Variants in SLC16A7 observed in about 807,000 individuals in gnomAD.
The protein encoded by SLC16A7 is monocarboxylate transporter 2.
In SLC16A7, 33 loss-of-function variants were observed where a neutral mutation model predicts 34.9. The observed-to-expected ratio is 0.94, with a 90% CI of 0.72 to 1.26. SLC16A7 has a LOEUF of 1.26. Among genes scored for constraint, SLC16A7 ranks in the 50% most tolerant of loss-of-function variants. SLC16A7 has a pLI of 0.00. For missense variants in SLC16A7, 573 were observed against 578.1 expected, an observed-to-expected ratio of 0.99 and a Z score of 0.09; for synonymous variants, 201 against 206.6, an observed-to-expected ratio of 0.97 and a Z score of 0.23.
chr12:59,760,232 A>G (rs1316033640), intron 3 of SLC16A7, among the ~76,000 whole-genome samples: 2 of 152,032 alleles, frequency 1.3e-5, no homozygotes, highest in Non-Finnish European at 2.9e-5. Context: ...AAATTATACC[A>G]TTTGGGAAAA....
At chr12:59,743,560 T>A (rs1353047847) in intron 3 of SLC16A7, among the ~76,000 whole-genome samples, 2 of 152,106 alleles carry the variant, frequency 1.3e-5, no homozygotes, top group Non-Finnish European at 2.9e-5. Flanking sequence ...ATGTGGTGAG[T>A]AAAGGAATGA....
At chr12:59,718,580 A>G (rs1875195274) in intron 3 of SLC16A7, among the ~76,000 whole-genome samples, 1 of 152,170 alleles carries the variant, frequency 6.6e-6, no homozygotes, top group African/African-American at 2.4e-5. Flanking sequence ...ATTAGCTCAT[A>G]TCTCATAATT....
intron 2 of SLC16A7, among the ~76,000 whole-genome samples, chr12:59,685,860 T>C (rs768319969): frequency 1.3e-5 from 2 of 152,098 alleles, no homozygotes; most frequent in African/African-American, 2.4e-5. Flanking sequence ...AAAATTTTAA[T>C]AATTTAATCT....
intron 2 of SLC16A7, among the ~76,000 whole-genome samples, chr12:59,668,255 G>C (rs962632253): frequency 6.6e-6 from 1 of 152,136 alleles, no homozygotes; most frequent in Non-Finnish European, 1.5e-5. Flanking sequence ...TCCACCAACA[G>C]CTTGCACTGT....
At chr12:59,659,473 G>C (rs188342555) in intron 2 of SLC16A7, among the ~76,000 whole-genome samples, 1 of 152,152 alleles carries the variant, frequency 6.6e-6, no homozygotes, top group Non-Finnish European at 1.5e-5. Flanking sequence ...TTTGAGGAAA[G>C]AGAAGCTGCC....
At chr12:59,748,167 G>A (rs76262854) in intron 3 of SLC16A7, among the ~76,000 whole-genome samples, 11,824 of 152,090 alleles carry the variant, frequency 0.078, 552 homozygotes, top group Middle Eastern at 0.17. Context: ...TGGGTCAAAG[G>A]ATACAAAATT....
At chr12:59,634,804 A>G (rs1880343085) in intron 1 of SLC16A7, among the ~76,000 whole-genome samples, 1 of 152,096 alleles carries the variant, frequency 6.6e-6, no homozygotes. Context: ...TTTATCTTGA[A>G]TGCTCTACAG....
chr12:59,669,568 T>C (rs1869499555), intron 2 of SLC16A7, among the ~76,000 whole-genome samples: 3 of 152,016 alleles, frequency 2.0e-5, no homozygotes, highest in Admixed American at 6.6e-5. Context: ...AGAAAGTTTG[T>C]CTCTGTTCCT....
At chr12:59,729,838 G>T (rs907827338) in intron 3 of SLC16A7, among the ~76,000 whole-genome samples, 1 of 152,200 alleles carries the variant, frequency 6.6e-6, no homozygotes, top group East Asian at 1.9e-4. Context: ...AATGTGGCTT[G>T]CTGACAATTT....
chr12:59,600,906 A>T (rs962799453), intron 1 of SLC16A7, among the ~76,000 whole-genome samples: 2 of 152,208 alleles, frequency 1.3e-5, no homozygotes, highest in East Asian at 3.8e-4. Context: ...TGAAGTCTCA[A>T]AGGACCTCAT....
At chr12:59,779,171 T>C (rs1314428475) in intron 5 of SLC16A7, among the ~76,000 whole-genome samples, 1 of 152,078 alleles carries the variant, frequency 6.6e-6, no homozygotes, top group Non-Finnish European at 1.5e-5. Flanking sequence ...CTAGTTTGTC[T>C]TGTTTGTATA....
chr12:59,720,463 G>A (rs1327521615), intron 3 of SLC16A7, among the ~76,000 whole-genome samples: 1 of 152,038 alleles, frequency 6.6e-6, no homozygotes, highest in Non-Finnish European at 1.5e-5. Flanking sequence ...ACCAAGGAAT[G>A]TCCTGTTTCC....
chr12:59,734,031 T>C, intron 3 of SLC16A7: 1 of 340,906 alleles, frequency 2.9e-6, no homozygotes, highest in South Asian at 2.2e-5. Flanking sequence ...GCTCCATAAG[T>C]TCTCACTTTG....
Position 59,788,609 on chromosome 12 carries a change from T to C in SLC16A7, c.*8930T>C, listed in dbSNP as rs1592296766. ...ATACATTTAAAATACCTGTCAAAGT[T>C]TTAAAATATAAGATAGAACCTTCTT... is the stretch of plus-strand genomic sequence containing the variant. On this transcript the variant is annotated 3_prime_UTR_variant, in exon 6 of 6. Coordinates refer to ENST00000547379, the MANE Select transcript of SLC16A7 (RefSeq NM_001270623.2). The C allele has an allele frequency of 6.6e-6, 1 of 152,052 alleles. No homozygotes were observed. The highest frequency in any genetic ancestry group is 1.9e-4 in the East Asian group (1 of 5,200). 9.4% of individuals were successfully genotyped at this position (152,052 alleles called of 1,614,324 possible). A position where few individuals can be genotyped will look rare whatever the true frequency, so the allele number is the denominator to read the frequency against.
chr12:59,681,957 ACAGCTT>A, intron 2 of SLC16A7, among the ~76,000 whole-genome samples: 1 of 152,020 alleles, frequency 6.6e-6, no homozygotes, highest in South Asian at 2.1e-4. Flanking sequence ...ATCTCATAAC[ACAGCTT>A]CATTCCCCAA....
chr12:59,731,608 T>C (rs928983464), intron 3 of SLC16A7, among the ~76,000 whole-genome samples: 5 of 152,198 alleles, frequency 3.3e-5, no homozygotes. Context: ...TCTTCGTTAT[T>C]TTCTAGCCAT....
At chr12:59,709,084 A>G (rs1043076036) in intron 3 of SLC16A7, among the ~76,000 whole-genome samples, 8 of 151,694 alleles carry the variant, frequency 5.3e-5, no homozygotes, top group African/African-American at 2.0e-4. Context: ...GTGATTACAT[A>G]GGATTATCTT....
chr12:59,633,047 A>T (rs944023335), intron 1 of SLC16A7, among the ~76,000 whole-genome samples: 2 of 151,960 alleles, frequency 1.3e-5, no homozygotes, highest in African/African-American at 4.8e-5. Context: ...AAGAATAATA[A>T]TTCTGATGTT....
intron 1 of SLC16A7, among the ~76,000 whole-genome samples, chr12:59,623,777 G>T (rs560340575): frequency 2.6e-5 from 4 of 151,686 alleles, no homozygotes; most frequent in African/African-American, 9.6e-5. Flanking sequence ...TGCGAAGGAT[G>T]TTTAAGAAAA....
Sources: allele counts gnomAD v4.1 joint callset (sites outside exome capture counted in the v4.1 genomes callset), GRCh38; gene constraint gnomAD v4.1.1; transcripts MANE v1.5; gene names NCBI Gene and HGNC (gene_info 2026-07-23, HGNC 2026-07-21).